The following SAMD8 variants were observed in gnomAD, a reference collection of about 807,000 sequenced individuals.
SAMD8 encodes the protein sterile alpha motif domain containing 8.
Under a neutral mutation model 42.0 loss-of-function variants are expected in SAMD8, and 20 were observed. The ratio of observed to expected loss-of-function variants is 0.48; its 90% confidence interval spans 0.34 to 0.69. The LOEUF is 0.69. SAMD8 is among the 30% of genes least tolerant of loss of function. SAMD8 has a pLI of 0.01. For synonymous variants in SAMD8, 162 were observed against 173.0 expected, an observed-to-expected ratio of 0.94 and a Z score of 0.50; for missense variants, 328 against 511.6, an observed-to-expected ratio of 0.64 and a Z score of 3.46.
chr10:75,105,746 A>C, intron 1 of SAMD8: 1 of 1,554,362 alleles, frequency 6.4e-7, no homozygotes, highest in Non-Finnish European at 8.7e-7. Flanking sequence ...GGGAAGACCC[A>C]TCGGTGCTGC....
At chr10:75,143,181 C>T (rs1840061105) in intron 1 of SAMD8, among the ~76,000 whole-genome samples, 1 of 152,186 alleles carries the variant, frequency 6.6e-6, no homozygotes, top group South Asian at 2.1e-4. Context: ...GTGGCACGGG[C>T]CCATAATCCC....
intron 1 of SAMD8, among the ~76,000 whole-genome samples, chr10:75,141,227 A>C (rs561916358): frequency 2.6e-4 from 40 of 151,936 alleles, no homozygotes; most frequent in African/African-American, 9.4e-4. Flanking sequence ...GTGCGCATGC[A>C]CCTGTGGTCC....
intron 1 of SAMD8, among the ~76,000 whole-genome samples, chr10:75,136,599 T>C (rs1214898539): frequency 6.6e-6 from 1 of 152,194 alleles, no homozygotes; most frequent in Non-Finnish European, 1.5e-5. Flanking sequence ...ACTTCTTTGG[T>C]CTGGGCTAGG....
rs537399353 is a variant in SAMD8, at chr10:75,135,711, A to G, written c.-15-14803A>G. Among the ~76,000 whole-genome samples the G allele has an allele frequency of 2.6e-5, 4 of 151,860 alleles. No individual in the cohort carries two copies. In the East Asian group the frequency reaches 7.8e-4, roughly 30 times the overall value. On this transcript the variant is annotated intron_variant, in intron 1 of 5. Transcript: ENST00000542569. ...CATGGTGGTGGGCGCCTGTAGTCCC[A>G]GCTACTTGGGAGGCTGAGGCAGGAG...
chr10:75,127,231 T>A (rs1315784131), intron 1 of SAMD8, among the ~76,000 whole-genome samples: 1 of 151,946 alleles, frequency 6.6e-6, no homozygotes, highest in Non-Finnish European at 1.5e-5. Context: ...GTAACTTTGA[T>A]ACATTCTTCT....
At chr10:75,111,961 G>GA (rs1276880667) in intron 1 of SAMD8, among the ~76,000 whole-genome samples, 1 of 152,184 alleles carries the variant, frequency 6.6e-6, no homozygotes, top group Non-Finnish European at 1.5e-5. Flanking sequence ...ACGAGAGGGA[G>GA]AGAGCGAGAG....
At chr10:75,156,156 G>T (rs987050903) in intron 2 of SAMD8, among the ~76,000 whole-genome samples, 4 of 152,204 alleles carry the variant, frequency 2.6e-5, no homozygotes, top group Non-Finnish European at 5.9e-5. Context: ...GCTGTAGTGA[G>T]CTGTGATCAT....
chr10:75,117,906 A>T (rs1340673622), intron 1 of SAMD8, among the ~76,000 whole-genome samples: 1 of 152,218 alleles, frequency 6.6e-6, no homozygotes, highest in Non-Finnish European at 1.5e-5. Flanking sequence ...TTTTGGTATA[A>T]CTGAGAATAT....
At chr10:75,103,032 G>GA (rs1848275114) in intron 1 of SAMD8, among the ~76,000 whole-genome samples, 1 of 152,168 alleles carries the variant, frequency 6.6e-6, no homozygotes, top group African/African-American at 2.4e-5. Context: ...AGAATCACCT[G>GA]AGCCCAGGAA....
chr10:75,107,663 G>GC (rs575143744), upstream of SAMD8, among the ~76,000 whole-genome samples: 2 of 151,930 alleles, frequency 1.3e-5, no homozygotes, highest in African/African-American at 2.4e-5. Flanking sequence ...TGCAACCTCC[G>GC]CCCCCCATGT....
At chr10:75,120,956 T>G (rs1848992972) in intron 1 of SAMD8, among the ~76,000 whole-genome samples, 1 of 151,838 alleles carries the variant, frequency 6.6e-6, no homozygotes, top group Non-Finnish European at 1.5e-5. Flanking sequence ...AATTTTTGTA[T>G]TTTTAGTAGA....
rs774130180 is a variant in SAMD8 at position 75,176,240 on chromosome 10, A to T, written c.943+24A>T. On this transcript the variant is annotated intron_variant, in intron 5 of 5. Transcript: ENST00000542569. This position sits in a 1 kb window ranked among gnomAD's most constrained non-coding sequence, Gnocchi z 4.3. The stretch of plus-strand genomic sequence containing the variant: ...ATGTAAGTATCTTTTTAGTGCTTCT[A>T]TGCGTATTAGGTAACTAGCTGCAGT... 1 of 1,614,086 alleles carries T rather than the reference A, an allele frequency of 6.2e-7. No individual in the cohort carries two copies. Among genetic ancestry groups the T allele is most frequent in the Non-Finnish European group, 8.5e-7 (1 of 1,180,032 alleles).
At chr10:75,133,286 C>G (rs1472604703) in intron 1 of SAMD8, among the ~76,000 whole-genome samples, 3 of 152,008 alleles carry the variant, frequency 2.0e-5, no homozygotes, top group Non-Finnish European at 4.4e-5. Flanking sequence ...GCCTATAGCC[C>G]CAGCTACTTG....
chr10:75,140,396 C>G lies in SAMD8; in HGVS notation c.-15-10118C>G, dbSNP rs965156209. Among the ~76,000 whole-genome samples the G allele has an allele frequency of 3.3e-5, 5 of 152,220 alleles. No homozygotes were observed. The East Asian group carries it at 9.6e-4, about 29-fold the overall frequency. On this transcript the variant is annotated intron_variant, in intron 1 of 5. Transcript: ENST00000542569. ...CTGGGATTACAGGCTTGAGCCACCCCGCCCTGTCAAGATACAGAATTCTAA... is the reference window on the plus strand; with the variant it reads ...CTGGGATTACAGGCTTGAGCCACCCGGCCCTGTCAAGATACAGAATTCTAA...
intron 1 of SAMD8, among the ~76,000 whole-genome samples, chr10:75,143,074 C>T (rs1033647296): frequency 7.2e-5 from 11 of 152,082 alleles, no homozygotes; most frequent in Non-Finnish European, 1.6e-4. Context: ...TTTGGGAGGC[C>T]GAGGCGGGTG....
intron 1 of SAMD8, among the ~76,000 whole-genome samples, chr10:75,122,751 T>C (rs1454973280): frequency 6.6e-6 from 1 of 152,148 alleles, no homozygotes; most frequent in African/African-American, 2.4e-5. Flanking sequence ...AGACCCCGTC[T>C]CTTACCCCTT....
upstream of SAMD8, among the ~76,000 whole-genome samples, chr10:75,110,116 C>T (rs1848729142): frequency 1.3e-5 from 2 of 152,176 alleles, no homozygotes; most frequent in Non-Finnish European, 2.9e-5. Flanking sequence ...CGTGCCGGGC[C>T]AATGGGGCAA....
At chr10:75,107,589 C>CG (rs909703774), upstream of SAMD8, among the ~76,000 whole-genome samples, 620 of 150,482 alleles carry the variant, frequency 4.1e-3, 5 homozygotes, top group African/African-American at 0.013. Flanking sequence ...TTTTTTTTGG[C>CG]GGGGGGGGAT....
At chr10:75,109,167 C>T (rs374184036), upstream of SAMD8, 36 of 1,567,200 alleles carry the variant, frequency 2.3e-5, no homozygotes, top group African/African-American at 6.8e-5. Flanking sequence ...TGGGCCAGCC[C>T]GCCCACCCCT....
Sources: allele counts gnomAD v4.1 joint callset (sites outside exome capture counted in the v4.1 genomes callset), GRCh38; gene constraint gnomAD v4.1.1; non-coding constraint Gnocchi (gnomAD v3.1); transcripts MANE v1.5; gene names NCBI Gene and HGNC (gene_info 2026-07-23, HGNC 2026-07-21).